STXBP6: variants seen among roughly 807,000 people sequenced by gnomAD.
STXBP6 encodes syntaxin-binding protein 6.
STXBP6 carries 21 observed loss-of-function variants against 26.9 expected under a neutral mutation model. The observed-to-expected ratio is 0.78, with a 90% CI of 0.55 to 1.12. STXBP6 has a LOEUF of 1.12. Ranked by LOEUF, STXBP6 falls within the 50% of genes most tolerant of loss-of-function variation. STXBP6 has a pLI of 0.00. For synonymous variants in STXBP6, 97 were observed against 92.6 expected, an observed-to-expected ratio of 1.05 and a Z score of -0.27; for missense variants, 232 against 257.9, an observed-to-expected ratio of 0.90 and a Z score of 0.69.
At chr14:24,874,186 A>G (rs1307481184) in intron 2 of STXBP6, among the ~76,000 whole-genome samples, 4 of 152,126 alleles carry the variant, frequency 2.6e-5, no homozygotes, top group Non-Finnish European at 5.9e-5. Flanking sequence ...TTTTGAGGGT[A>G]CAGGGAATAT....
At chr14:25,036,447 A>G (rs557267909) in intron 1 of STXBP6, among the ~76,000 whole-genome samples, 43 of 152,280 alleles carry the variant, frequency 2.8e-4, no homozygotes, top group South Asian at 1.0e-3. Flanking sequence ...TGCCCAGGGC[A>G]TTCCTTTCAG....
chr14:24,826,091 A>G (rs1029016393), intron 4 of STXBP6, among the ~76,000 whole-genome samples: 1 of 152,188 alleles, frequency 6.6e-6, no homozygotes, highest in African/African-American at 2.4e-5. Context: ...TACTTTTATT[A>G]CAGTTGGCAG....
intron 2 of STXBP6, among the ~76,000 whole-genome samples, chr14:24,938,821 C>G (rs768465609): frequency 1.7e-4 from 26 of 152,250 alleles, no homozygotes; most frequent in African/African-American, 5.8e-4. Flanking sequence ...GCTAGACATT[C>G]CTAACAGAAA....
At chr14:24,825,128 A>G (rs1201533430) in intron 4 of STXBP6, among the ~76,000 whole-genome samples, 1 of 152,216 alleles carries the variant, frequency 6.6e-6, no homozygotes, top group Non-Finnish European at 1.5e-5. Context: ...GGGTGAGAGC[A>G]GGAGAGGTAT....
At chr14:25,038,262 C>T (rs1435206645) in intron 1 of STXBP6, among the ~76,000 whole-genome samples, 1 of 152,132 alleles carries the variant, frequency 6.6e-6, no homozygotes, top group Non-Finnish European at 1.5e-5. Context: ...CAATGGAACT[C>T]TTATTCATAC....
intron 1 of STXBP6, among the ~76,000 whole-genome samples, chr14:25,014,942 T>A (rs1397595036): frequency 6.6e-6 from 1 of 152,254 alleles, no homozygotes; most frequent in African/African-American, 2.4e-5. Flanking sequence ...TACCATATTA[T>A]TTTAAATGTT....
chr14:24,826,477 C>G (rs1022728430), intron 4 of STXBP6, among the ~76,000 whole-genome samples: 1 of 152,204 alleles, frequency 6.6e-6, no homozygotes, highest in African/African-American at 2.4e-5. Context: ...TTTCCCTACT[C>G]TCATCACCAT....
At chr14:24,931,076 A>G (rs1361540411) in intron 2 of STXBP6, among the ~76,000 whole-genome samples, 1 of 124,356 alleles carries the variant, frequency 8.0e-6, no homozygotes, top group Non-Finnish European at 1.6e-5. Flanking sequence ...GCGCCACTGC[A>G]GTCCGCAGTC....
intron 2 of STXBP6, among the ~76,000 whole-genome samples, chr14:24,912,930 A>G (rs2071626609): frequency 1.3e-5 from 2 of 152,218 alleles, no homozygotes; most frequent in Non-Finnish European, 2.9e-5. Flanking sequence ...GAACTCCACC[A>G]CAGGTATTTT....
intron 2 of STXBP6, among the ~76,000 whole-genome samples, chr14:24,945,753 A>T (rs941367892): frequency 6.6e-6 from 1 of 152,202 alleles, no homozygotes; most frequent in African/African-American, 2.4e-5. Flanking sequence ...AGCATCAACT[A>T]TGTGCTAGGC....
chr14:24,863,885 T>C (rs1022585660), intron 2 of STXBP6, among the ~76,000 whole-genome samples: 1 of 152,216 alleles, frequency 6.6e-6, no homozygotes, highest in South Asian at 2.1e-4. Context: ...TGCAAACTAA[T>C]AGTTATATTT....
chr14:24,944,459 T>C (rs569359867), intron 2 of STXBP6, among the ~76,000 whole-genome samples: 102 of 152,232 alleles, frequency 6.7e-4, no homozygotes, highest in African/African-American at 2.3e-3. Context: ...TGGGAGCACA[T>C]AGGGGATATG....
intron 2 of STXBP6, among the ~76,000 whole-genome samples, chr14:24,870,434 A>G (rs1003819230): frequency 1.3e-5 from 2 of 152,198 alleles, no homozygotes; most frequent in Non-Finnish European, 2.9e-5. Context: ...TACGGTTTGT[A>G]CTTCTGCCTA....
At chr14:25,044,170 C>CAAAAAAAA (rs768658907) in intron 1 of STXBP6, among the ~76,000 whole-genome samples, 9 of 53,326 alleles carry the variant, frequency 1.7e-4, no homozygotes, top group Non-Finnish European at 2.3e-4. Flanking sequence ...GACTCTGCCT[C>CAAAAAAAA]AAAAAAAAAA....
intron 4 of STXBP6, among the ~76,000 whole-genome samples, chr14:24,841,582 C>CA (rs2068786055): frequency 6.6e-6 from 1 of 152,156 alleles, no homozygotes; most frequent in African/African-American, 2.4e-5. Context: ...CTTCCATGTA[C>CA]AACTCATCCT....
chr14:24,991,669 G>C (rs1000066801), intron 1 of STXBP6, among the ~76,000 whole-genome samples: 1 of 152,148 alleles, frequency 6.6e-6, no homozygotes, highest in African/African-American at 2.4e-5. Flanking sequence ...CCAATTCAAG[G>C]TTATGATTCC....
chr14:24,899,780 C>CAAAAAA (rs58367371), intron 2 of STXBP6, among the ~76,000 whole-genome samples: 1 of 46,864 alleles, frequency 2.1e-5, no homozygotes, highest in Non-Finnish European at 3.9e-5. Flanking sequence ...GACTACATTT[C>CAAAAAA]AAAAAAAAAA....
chr14:24,931,476 C>T (rs1025562177), intron 2 of STXBP6, among the ~76,000 whole-genome samples: 7 of 152,176 alleles, frequency 4.6e-5, no homozygotes, highest in African/African-American at 1.4e-4. Context: ...TTTCTCTGAG[C>T]TTCCACACAA....
intron 2 of STXBP6, among the ~76,000 whole-genome samples, chr14:24,948,925 C>A (rs2332459): frequency 0.17 from 25,243 of 151,962 alleles, 2,996 homozygotes; most frequent in East Asian, 0.37. Context: ...ATAGGGAATA[C>A]GATCTAGGAG....
Sources: allele counts gnomAD v4.1 joint callset (sites outside exome capture counted in the v4.1 genomes callset), GRCh38; gene constraint gnomAD v4.1.1; transcripts MANE v1.5; gene names NCBI Gene and HGNC (gene_info 2026-07-23, HGNC 2026-07-21).